The following SKOR2 variants were observed in gnomAD, a reference collection of about 807,000 sequenced individuals.
SKOR2 encodes the protein LBX1 corepressor 1-like protein.
SKOR2 carries 47 observed loss-of-function variants against 69.1 expected under a neutral mutation model. The observed-to-expected ratio is 0.68, with a 90% CI of 0.54 to 0.87. SKOR2 has a LOEUF of 0.87. Among genes scored for constraint, SKOR2 ranks in the 40% least tolerant of loss-of-function variants. The pLI is 0.00. For synonymous variants in SKOR2, 717 were observed against 672.6 expected, an observed-to-expected ratio of 1.07 and a Z score of -1.02; for missense variants, 1,404 against 1,472.2, an observed-to-expected ratio of 0.95 and a Z score of 0.76.
In SKOR2 at chr18:47,248,305, C is replaced by T; in HGVS notation, c.879G>A (p.Pro293=). The change falls in exon 2 of 9, where the codon CCG becomes CCA. Residue 293 remains proline, a synonymous_variant. Coordinates refer to ENST00000425639, the MANE Select transcript of SKOR2 (RefSeq NM_001278063.4). This position sits in a 1 kb window ranked among gnomAD's most constrained non-coding sequence, Gnocchi z 6.4. ...GGGCACCAGCCAGCTCTGCCAAGGG[C>T]GGCGGTGGCGGCGGCGGCGGCGGGG... ...GAPPPPPPPP[P]PLAELAGAPH... The T allele has an allele frequency of 8.3e-7, 1 of 1,205,238 alleles. No homozygotes were observed. Among genetic ancestry groups the T allele is most frequent in the Non-Finnish European group, 1.0e-6 (1 of 973,348 alleles). The allele number at this position is 1,205,238 out of a possible 1,614,324, so 74.7% of individuals were successfully genotyped here.
intron 4 of SKOR2, chr18:47,231,297 A>C: frequency 1.1e-6 from 1 of 901,222 alleles, no homozygotes; most frequent in South Asian, 1.7e-5. Flanking sequence ...ACAAGGAAGG[A>C]AATTGCTAGA....
intron 4 of SKOR2, among the ~76,000 whole-genome samples, chr18:47,232,674 T>C (rs1411481524): frequency 6.6e-6 from 1 of 152,120 alleles, no homozygotes; most frequent in Non-Finnish European, 1.5e-5. Flanking sequence ...AGAGGTTAGG[T>C]ATGGCCAGTG....
Position 47,247,066 on chromosome 18 carries a change from AG to A in SKOR2, c.2117del (p.Pro706LeufsTer76). On this transcript the variant is annotated frameshift_variant, in exon 2 of 9. Transcript: ENST00000425639. LOFTEE classifies it high-confidence loss of function. The surrounding 1 kb of genome is among the most constrained non-coding windows in gnomAD (Gnocchi z 6.6). ...CTCGGTGGTGCGGGTGCTGGGCCAG[AG>A]GGGGCGGCGGGGGCGGCGGCGGCGG... is the stretch of plus-strand genomic sequence containing the variant. ...PPPPPPPPPP[P>X]LAQHPHHRGL... 2 of 886,084 alleles carry A rather than the reference AG, an allele frequency of 2.3e-6. No homozygotes were observed. Among genetic ancestry groups the A allele is most frequent in the Non-Finnish European group, 2.8e-6 (2 of 705,900 alleles). 54.9% of individuals were successfully genotyped at this position (886,084 alleles called of 1,614,324 possible). A position where few individuals can be genotyped will look rare whatever the true frequency, so the allele number is the denominator to read the frequency against.
chr18:47,223,806 A>G (rs1016997734), intron 6 of SKOR2, among the ~76,000 whole-genome samples: 7 of 152,160 alleles, frequency 4.6e-5, no homozygotes, highest in African/African-American at 1.7e-4. Context: ...TTATTTCTGC[A>G]TACTTAAAAT....
Position 47,244,989 on chromosome 18 carries a change from C to A in SKOR2, c.2678-7G>T. 6.5e-7 allele frequency: 1 copy of A among 1,532,600 alleles called. No individual in the cohort carries two copies. Among genetic ancestry groups the A allele is most frequent in the Non-Finnish European group, 8.7e-7 (1 of 1,145,406 alleles). The allele number at this position is 1,532,600 out of a possible 1,614,324, so 94.9% of individuals were successfully genotyped here. A position where few individuals can be genotyped will look rare whatever the true frequency, so the allele number is the denominator to read the frequency against. On this transcript the variant is annotated splice_region_variant and splice_polypyrimidine_tract_variant and intron_variant, in intron 3 of 8. Transcript: ENST00000425639. Reference sequence around the variant, plus strand: ...CTATGCTCCTTGTTCTTATCTAGAACCAAAACAAAACACAAAATCTGCAAG... The same window carrying A: ...CTATGCTCCTTGTTCTTATCTAGAAACAAAACAAAACACAAAATCTGCAAG...
chr18:47,248,062 G>C lies in SKOR2; in HGVS notation c.1122C>G (p.Ala374=). The part of the protein sequence containing the change: ...AGAGAGAGAG[A]KGPRSYPVIP... Reference sequence around the variant, plus strand: ...TGACTGGGTAGCTGCGCGGGCCTTTGGCCCCTGCCCCGGCACCCGCCCCCG... The same window carrying C: ...TGACTGGGTAGCTGCGCGGGCCTTTCGCCCCTGCCCCGGCACCCGCCCCCG... Residue 374 remains alanine (A), a synonymous_variant, in exon 2 of 9, where the codon GCC becomes GCG. Transcript: ENST00000425639. The surrounding 1 kb of genome is among the most constrained non-coding windows in gnomAD (Gnocchi z 6.4). 1.4e-6 allele frequency: 2 copies of C among 1,425,638 alleles called. No individual in the cohort carries two copies. Among genetic ancestry groups the C allele is most frequent in the Non-Finnish European group, 9.2e-7 (1 of 1,090,008 alleles). The allele number at this position is 1,425,638 out of a possible 1,614,324, so 88.3% of individuals were successfully genotyped here. A position where few individuals can be genotyped will look rare whatever the true frequency, so the allele number is the denominator to read the frequency against.
chr18:47,246,700 G>T lies in SKOR2; in HGVS notation c.2484C>A (p.Asp828Glu), dbSNP rs1467012856. ...RLLQEDGKLG[D>E]PGSDLPPPPP... Reference sequence around the variant, plus strand: ...GGGGCGGGGGCAGGTCCGAGCCGGGGTCCCCGAGTTTCCCGTCTTCCTGCA... The same window carrying T: ...GGGGCGGGGGCAGGTCCGAGCCGGGTTCCCCGAGTTTCCCGTCTTCCTGCA... Residue 828 changes from aspartate (D) to glutamate (E), a missense_variant, in exon 2 of 9, where the codon GAC (aspartate) becomes GAA (glutamate). Asp to Glu is a conservative substitution (Grantham distance 45). Around this residue, in one of 3 missense-constraint regions of SKOR2, gnomAD observed 1,266 missense variants for 1,309.9 expected, o/e 0.97. Coordinates refer to ENST00000425639, the MANE Select transcript of SKOR2 (RefSeq NM_001278063.4). 6.8e-7 allele frequency: 1 copy of T among 1,460,510 alleles called. No individual in the cohort carries two copies. Among genetic ancestry groups the T allele is most frequent in the African/African-American group, 1.5e-5 (1 of 66,632 alleles). 90.5% of individuals were successfully genotyped at this position (1,460,510 alleles called of 1,614,324 possible).
intron 8 of SKOR2, among the ~76,000 whole-genome samples, chr18:47,207,208 T>G (rs543887906): frequency 6.6e-6 from 1 of 152,136 alleles, no homozygotes; most frequent in Non-Finnish European, 1.5e-5. Context: ...CTGGTTTTGA[T>G]TGGATGGCCC....
chr18:47,218,635 A>C lies in SKOR2; in HGVS notation c.2985+1308T>G, dbSNP rs539440267. 7.9e-5 allele frequency among the ~76,000 whole-genome samples: 12 copies of C among 151,624 alleles called. No homozygotes were observed. In the East Asian group the frequency reaches 2.3e-3, roughly 29 times the overall value. On this transcript the variant is annotated intron_variant, in intron 7 of 8. Coordinates refer to ENST00000425639, the MANE Select transcript of SKOR2 (RefSeq NM_001278063.4). ...ATCTGAAAATGATGTCCTTTGTAAA[A>C]TAAGGAAGGTGTTAAAATTTTATAT...
Position 47,247,471 on chromosome 18 carries a change from C to G in SKOR2, c.1713G>C (p.Ala571=). 8.2e-7 allele frequency: 1 copy of G among 1,222,444 alleles called. No individual in the cohort carries two copies. Among genetic ancestry groups the G allele is most frequent in the Non-Finnish European group, 1.0e-6 (1 of 982,708 alleles). 75.7% of individuals were successfully genotyped at this position (1,222,444 alleles called of 1,614,324 possible). A position where few individuals can be genotyped will look rare whatever the true frequency, so the allele number is the denominator to read the frequency against. ...CAGAGTCCGCGGGCGGCGTGGAGCC[C>G]GCGCTGCAGTCCCCGCCGCTGCCGC... The part of the protein sequence containing the change: ...PPGGSGGDCS[A]GSTPPADSVA... The change falls in exon 2 of 9, where the codon GCG becomes GCC. Residue 571 remains alanine (A), a synonymous_variant. Transcript: ENST00000425639. This position sits in a 1 kb window ranked among gnomAD's most constrained non-coding sequence, Gnocchi z 6.6.
chr18:47,245,371 G>T, intron 3 of SKOR2, 127 bp downstream of exon 3: 2 of 827,086 alleles, frequency 2.4e-6, no homozygotes, highest in Non-Finnish European at 3.5e-6. Context: ...CCAAAAAAGA[G>T]CCCACAAATC....
At chr18:47,229,181 C>A (rs2064188657) in intron 6 of SKOR2, among the ~76,000 whole-genome samples, 1 of 152,122 alleles carries the variant, frequency 6.6e-6, no homozygotes, top group Non-Finnish European at 1.5e-5. Flanking sequence ...GACCTTCAGG[C>A]TGACATTATT....
At chr18:47,245,653 T>C in intron 2 of SKOR2, 92 bp from the exon 3 acceptor site, 1 of 1,223,666 alleles carries the variant, frequency 8.2e-7, no homozygotes, top group South Asian at 1.5e-5. Context: ...TCAATAAAAG[T>C]GACTCCATGG....
intron 4 of SKOR2, among the ~76,000 whole-genome samples, chr18:47,238,291 T>G (rs1265490869): frequency 1.3e-5 from 2 of 151,624 alleles, no homozygotes; most frequent in Non-Finnish European, 2.9e-5. Flanking sequence ...CACAGGTAAA[T>G]TTAGTAAATA....
At chr18:47,237,620 A>C (rs1208709920) in intron 4 of SKOR2, among the ~76,000 whole-genome samples, 1 of 152,184 alleles carries the variant, frequency 6.6e-6, no homozygotes, top group Non-Finnish European at 1.5e-5. Flanking sequence ...ATTTGAATAA[A>C]GATCAAAAAA....
rs1164464337 is a variant in SKOR2 at position 47,248,034 on chromosome 18, G to T, written c.1150C>A (p.Pro384Thr). The stretch of plus-strand genomic sequence containing the variant: ...CCGAACGAGCCCTTGCTGGGCACCG[G>T]GATGACTGGGTAGCTGCGCGGGCCT... ...AKGPRSYPVI[P>T]VPSKGSFGGV... Residue 384 changes from proline (P) to threonine (T), a missense_variant, in exon 2 of 9, where the codon CCG (proline) becomes ACG (threonine). Coordinates refer to ENST00000425639, the MANE Select transcript of SKOR2 (RefSeq NM_001278063.4). This position sits in a 1 kb window ranked among gnomAD's most constrained non-coding sequence, Gnocchi z 6.4. 6 of 1,440,904 alleles carry T rather than the reference G, an allele frequency of 4.2e-6. No individual in the cohort carries two copies. The highest frequency in any genetic ancestry group is 3.0e-5 in the African/African-American group (2 of 67,638). The allele number at this position is 1,440,904 out of a possible 1,614,324, so 89.3% of individuals were successfully genotyped here.
intron 4 of SKOR2, among the ~76,000 whole-genome samples, chr18:47,240,071 T>C (rs1325177098): frequency 6.6e-6 from 1 of 152,200 alleles, no homozygotes; most frequent in Middle Eastern, 3.2e-3. Flanking sequence ...TGTAATTGCT[T>C]CTTACTATTC....
At chr18:47,231,232 A>T in intron 4 of SKOR2, 1 of 1,466,712 alleles carries the variant, frequency 6.8e-7, no homozygotes. Context: ...GCAGCTCCCG[A>T]AAAGCAGATT....
In SKOR2 at chr18:47,232,301, C is replaced by T. The variant is rs372958974; in HGVS notation, c.2753-1301G>A. Among the ~76,000 whole-genome samples, 331 of 152,234 alleles carry T rather than the reference C, an allele frequency of 2.2e-3. 3 individuals are homozygous for T. Among genetic ancestry groups the T allele is most frequent in the African/African-American group, 7.5e-3 (310 of 41,544 alleles). ...ACTATATTGCGCATAAAGGTTAGAT[C>T]GTTATTCCTATTTCGCTTACATGCT... On this transcript the variant is annotated intron_variant, in intron 4 of 8. Transcript: ENST00000425639.
Sources: gnomAD v4.1 joint callset for allele counts (sites outside exome capture counted in the v4.1 genomes callset) on GRCh38, gnomAD v4.1.1 for gene constraint, gnomAD v4.1.1 regional missense constraint, Gnocchi (gnomAD v3.1) non-coding constraint, MANE v1.5 for transcripts, NCBI Gene and HGNC (gene_info 2026-07-23, HGNC 2026-07-21) for gene names.